MCF2L2: variants seen among roughly 807,000 people sequenced by gnomAD.
MCF2L2 encodes MCF.2 cell line derived transforming sequence-like 2, also known as probable guanine nucleotide exchange factor MCF2L2.
Under a neutral mutation model 150.2 loss-of-function variants are expected in MCF2L2, and 102 were observed. The ratio of observed to expected loss-of-function variants is 0.68; its 90% CI spans 0.58 to 0.80. MCF2L2 has a LOEUF of 0.80. Among genes scored for constraint, MCF2L2 ranks in the 30% least tolerant of loss-of-function variants. The probability of loss-of-function intolerance (pLI) is 0.00; values close to 1 mark genes in which losing one functional copy is unlikely to be tolerated. For synonymous variants in MCF2L2, 465 were observed against 491.3 expected (o/e 0.95, Z 0.71); for missense variants, 1,256 against 1,372.8 (o/e 0.91, Z 1.34).
At chr3:183,298,035 T>G (rs568447061) in intron 11 of MCF2L2, 1 of 152,360 alleles carries the variant, frequency 6.6e-6, no homozygotes, top group South Asian at 2.1e-4. Flanking sequence ...ATCTTTGGAT[T>G]CCCAGGTGAT....
At chr3:183,296,014 G>C (rs947873331) in intron 12 of MCF2L2, 2 of 154,368 alleles carry the variant, frequency 1.3e-5, no homozygotes, top group African/African-American at 4.8e-5. Context: ...ATGTTAGACA[G>C]AGCAAAGAAT....
intron 3 of MCF2L2, among the ~76,000 whole-genome samples, chr3:183,369,298 A>G (rs1712718277): frequency 6.6e-6 from 1 of 151,946 alleles, no homozygotes; most frequent in East Asian, 1.9e-4. Flanking sequence ...AGACTCTACC[A>G]CTGATATTAA....
rs561036357 is a variant in MCF2L2 at position 183,322,864 on chromosome 3, A to G, written c.603+371T>C. Among the ~76,000 whole-genome samples, 6 of 152,190 alleles carry G rather than the reference A, an allele frequency of 3.9e-5. No homozygotes were observed. The East Asian group carries it at 1.2e-3, about 29-fold the overall frequency. On this transcript the variant is annotated intron_variant, in intron 6 of 29. Coordinates refer to ENST00000328913, the MANE Select transcript of MCF2L2 (RefSeq NM_015078.4). The stretch of plus-strand genomic sequence containing the variant: ...TCTGACTTCATGGGTGTCAATATGT[A>G]TGTACGTTAGAATCATCTGGGGAGT...
intron 21 of MCF2L2, among the ~76,000 whole-genome samples, chr3:183,218,929 G>A (rs761311249): frequency 1.3e-5 from 2 of 152,164 alleles, no homozygotes; most frequent in Non-Finnish European, 2.9e-5. Flanking sequence ...TTTTCAACAG[G>A]TCCTTGTCAT....
intron 25 of MCF2L2, among the ~76,000 whole-genome samples, chr3:183,203,263 A>T (rs1722358418): frequency 6.6e-6 from 1 of 152,168 alleles, no homozygotes; most frequent in African/African-American, 2.4e-5. Flanking sequence ...GGAAGCCAAG[A>T]TACTGACTTT....
intron 5 of MCF2L2, among the ~76,000 whole-genome samples, chr3:183,323,740 C>T (rs150083597): frequency 9.3e-4 from 137 of 147,414 alleles, no homozygotes; most frequent in African/African-American, 3.3e-3. Context: ...AAGGCTGCAG[C>T]AAACAGTGAT....
In MCF2L2 at chr3:183,270,595, C is replaced by T; in HGVS notation, c.1862+6277G>A. On this transcript the variant is annotated intron_variant, in intron 15 of 29. Transcript: ENST00000328913. This position sits in a 1 kb window ranked among gnomAD's most constrained non-coding sequence, Gnocchi z 4.5. ...TATGTAATCTCCGGTGATGTAGCTG[C>T]CAAAGTCTATGAGGCATCACAGACA... 3 of 1,614,158 alleles carry T rather than the reference C, an allele frequency of 1.9e-6. No homozygotes were observed. Among genetic ancestry groups the T allele is most frequent in the Non-Finnish European group, 2.5e-6 (3 of 1,180,044 alleles).
At chr3:183,379,064 CT>C (rs763273411) in intron 3 of MCF2L2, 9 of 458,370 alleles carry the variant, frequency 2.0e-5, no homozygotes, top group Non-Finnish European at 3.4e-5. Flanking sequence ...CATGTTTACT[CT>C]GTCCCTCCTG....
Position 183,330,763 on chromosome 3 carries a change from A to G in MCF2L2, c.487-7412T>C, listed in dbSNP as rs1019399367. Among the ~76,000 whole-genome samples the G allele has an allele frequency of 7.2e-5, 11 of 152,222 alleles. No individual in the cohort carries two copies. In the East Asian group the frequency reaches 1.9e-3, roughly 27 times the overall value. Reference sequence around the variant, plus strand: ...TTATATTCTATATAGTGAAGAAAAAAGGCAGAATAATTGTGCTCATCAAAC... The same window carrying G: ...TTATATTCTATATAGTGAAGAAAAAGGGCAGAATAATTGTGCTCATCAAAC... On this transcript the variant is annotated intron_variant, in intron 5 of 29. Transcript: ENST00000328913.
intron 7 of MCF2L2, among the ~76,000 whole-genome samples, chr3:183,312,235 C>G (rs769533060): frequency 7.9e-5 from 12 of 152,190 alleles, no homozygotes; most frequent in Non-Finnish European, 1.5e-4. Context: ...TCTCCCTCCA[C>G]CTGCCAACCA....
intron 3 of MCF2L2, among the ~76,000 whole-genome samples, chr3:183,370,209 C>A (rs559615187): frequency 6.6e-6 from 1 of 152,348 alleles, no homozygotes; most frequent in East Asian, 1.9e-4. Flanking sequence ...ATTTGTCGAG[C>A]TTTCCTGTGA....
intron 14 of MCF2L2, among the ~76,000 whole-genome samples, chr3:183,281,003 GGCCCGT>G (rs1204859586): frequency 6.6e-6 from 1 of 151,982 alleles, no homozygotes; most frequent in East Asian, 1.9e-4. Context: ...AGATTTCAAG[GGCCCGT>G]GCCACCTTCT....
chr3:183,179,377 A>T lies in MCF2L2; in HGVS notation c.*3T>A. On this transcript the variant is annotated 3_prime_UTR_variant, in exon 30 of 30. Coordinates refer to ENST00000328913, the MANE Select transcript of MCF2L2 (RefSeq NM_015078.4). The surrounding 1 kb of genome is among the most constrained non-coding windows in gnomAD (Gnocchi z 4.2). ...CCGAGGAGCGGGGGCGTCCGCAGGG[A>T]GGTCAGCTCTCCTGGGCGGAGGTCC... 2.0e-6 allele frequency: 3 copies of T among 1,478,248 alleles called. No homozygotes were observed. The highest frequency in any genetic ancestry group is 2.7e-6 in the Non-Finnish European group (3 of 1,115,462). 91.6% of individuals were successfully genotyped at this position (1,478,248 alleles called of 1,614,324 possible).
chr3:183,326,319 C>T (rs993042590), intron 5 of MCF2L2, among the ~76,000 whole-genome samples: 1 of 151,728 alleles, frequency 6.6e-6, no homozygotes, highest in African/African-American at 2.4e-5. Context: ...TGGGGAAACC[C>T]CATCTCTACT....
intron 3 of MCF2L2, among the ~76,000 whole-genome samples, chr3:183,365,746 T>C (rs1712484368): frequency 6.6e-6 from 1 of 151,780 alleles, no homozygotes; most frequent in Non-Finnish European, 1.5e-5. Flanking sequence ...AAAAGAAAAA[T>C]CAATACATTT....
At chr3:183,330,245 G>GAAAAAAAAAAAAAA (rs200391954) in intron 5 of MCF2L2, among the ~76,000 whole-genome samples, 16 of 57,304 alleles carry the variant, frequency 2.8e-4, no homozygotes, top group Non-Finnish European at 4.4e-4. Context: ...ACCCTGTCTT[G>GAAAAAAAAAAAAAA]AAAAAAAAAA....
intron 15 of MCF2L2, among the ~76,000 whole-genome samples, chr3:183,264,181 A>T (rs552186611): frequency 1.1e-3 from 169 of 152,316 alleles, no homozygotes; most frequent in Non-Finnish European, 1.8e-3. Flanking sequence ...AAGGTTCTCC[A>T]TAAGCAGGTT....
intron 22 of MCF2L2, among the ~76,000 whole-genome samples, chr3:183,213,129 T>C (rs1722797272): frequency 6.6e-6 from 1 of 152,128 alleles, no homozygotes; most frequent in Non-Finnish European, 1.5e-5. Flanking sequence ...CATCCTTTAG[T>C]GGTTTATATA....
chr3:183,303,620 T>A (rs1311498734), intron 10 of MCF2L2, among the ~76,000 whole-genome samples: 1 of 152,188 alleles, frequency 6.6e-6, no homozygotes, highest in Non-Finnish European at 1.5e-5. Flanking sequence ...CGTCGCCTTC[T>A]TAATGCCTTT....
Sources: allele counts gnomAD v4.1 joint callset (sites outside exome capture counted in the v4.1 genomes callset), GRCh38; gene constraint gnomAD v4.1.1; non-coding constraint Gnocchi (gnomAD v3.1); transcripts MANE v1.5; gene names NCBI Gene and HGNC (gene_info 2026-07-23, HGNC 2026-07-21).